PPP5C: variants seen among roughly 807,000 people sequenced by gnomAD.
PPP5C encodes the protein serine/threonine-protein phosphatase 5.
In PPP5C, 21 loss-of-function variants were observed where a neutral mutation model predicts 66.7. The observed-to-expected ratio is 0.31, with a 90% CI of 0.22 to 0.45. PPP5C has a LOEUF of 0.45. PPP5C is among the 20% of genes least tolerant of loss of function. The pLI, the probability that PPP5C is intolerant of heterozygous loss-of-function variation, is 1.00. For missense variants in PPP5C, 464 were observed against 675.9 expected, an observed-to-expected ratio of 0.69 and a Z score of 3.48; for synonymous variants, 246 against 257.4, an observed-to-expected ratio of 0.96 and a Z score of 0.43.
Position 46,374,825 on chromosome 19 carries a change from A to C in PPP5C, c.364-779A>C, listed in dbSNP as rs181781772. ...CTTGAGGGAGATATATATGGTTCTCAGTCCCACCTCAGAGAGAAACTGAGC... is the reference window on the plus strand; with the variant it reads ...CTTGAGGGAGATATATATGGTTCTCCGTCCCACCTCAGAGAGAAACTGAGC... On this transcript the variant is annotated intron_variant, in intron 2 of 12. Transcript: ENST00000012443. Among the ~76,000 whole-genome samples the C allele has an allele frequency of 4.6e-3, 697 of 152,284 alleles. 4 individuals are homozygous for C. Among genetic ancestry groups the C allele is most frequent in the South Asian group, 7.3e-3 (35 of 4,818 alleles).
At chr19:46,386,333 G>A (rs1349596704) in intron 7 of PPP5C, among the ~76,000 whole-genome samples, 3 of 152,140 alleles carry the variant, frequency 2.0e-5, no homozygotes, top group Non-Finnish European at 4.4e-5. Context: ...AGGCTGGGGC[G>A]AAGCCTGCAT....
At position 46,390,626 on chromosome 19, in the gene PPP5C, T is replaced by C. The variant is rs967726516; in HGVS notation, c.*280T>C. On this transcript the variant is annotated 3_prime_UTR_variant, in exon 13 of 13. Transcript: ENST00000012443. ...TGGGGAGGCCGTCCTCGGGGTGGGG[T>C]GGGGCCGAGTGGCTGCCCTGCCCCC... 1.1e-5 allele frequency: 14 copies of C among 1,295,412 alleles called. No homozygotes were observed. The highest frequency in any genetic ancestry group is 3.4e-5 in the East Asian group (1 of 29,302). The allele number at this position is 1,295,412 out of a possible 1,614,324, so 80.2% of individuals were successfully genotyped here.
intron 2 of PPP5C, among the ~76,000 whole-genome samples, chr19:46,364,651 G>T (rs1354367536): frequency 6.6e-6 from 1 of 151,920 alleles, no homozygotes; most frequent in East Asian, 1.9e-4. Flanking sequence ...TTTTCTGGGG[G>T]AGTTTCCTAA....
rs1294482042 is a variant in PPP5C at position 46,383,487 on chromosome 19, T to C, written c.699+11T>C. On this transcript the variant is annotated intron_variant, in intron 5 of 12. Coordinates refer to ENST00000012443, the MANE Select transcript of PPP5C (RefSeq NM_006247.4). The surrounding 1 kb of genome is among the most constrained non-coding windows in gnomAD (Gnocchi z 5.0). ...ACCACACTCAAAGAGGTGCGCGTTG[T>C]GGGGCAGTGCGGGGAGGGCCAGCGG... 1 of 1,592,482 alleles carries C rather than the reference T, an allele frequency of 6.3e-7. No individual in the cohort carries two copies. Among genetic ancestry groups the C allele is most frequent in the East Asian group, 2.3e-5 (1 of 44,012 alleles).
rs571478781 is a variant in PPP5C at position 46,367,690 on chromosome 19, G to A, written c.364-7914G>A. 1.9e-4 allele frequency among the ~76,000 whole-genome samples: 29 copies of A among 152,286 alleles called. No individual in the cohort carries two copies. In the South Asian group the frequency reaches 6.0e-3, roughly 32 times the overall value. ...CAAGCTGGACCTTACGGTGGGAACC[G>A]CAGTCACTCAGTTGGAAAACTTACA... is the stretch of plus-strand genomic sequence containing the variant. On this transcript the variant is annotated intron_variant, in intron 2 of 12. Transcript: ENST00000012443.
chr19:46,388,744 C>T lies in PPP5C; in HGVS notation c.1355+13C>T, dbSNP rs1347630110. The T allele has an allele frequency of 6.2e-7, 1 of 1,610,844 alleles. No individual in the cohort carries two copies. On this transcript the variant is annotated intron_variant, in intron 11 of 12. Transcript: ENST00000012443. The surrounding 1 kb of genome is among the most constrained non-coding windows in gnomAD (Gnocchi z 4.9). ...CCCCCAACTACTGGTATGTCTTTGC[C>T]TTTCCAGCCCAGGGCCTCTACCAAG...
At chr19:46,348,336 G>T (rs369197389) in intron 1 of PPP5C, among the ~76,000 whole-genome samples, 9 of 149,754 alleles carry the variant, frequency 6.0e-5, no homozygotes, top group Non-Finnish European at 1.3e-4. Flanking sequence ...TTTTGAGACG[G>T]GAGTTTTGCT....
intron 1 of PPP5C, among the ~76,000 whole-genome samples, chr19:46,350,732 G>T (rs1299437557): frequency 6.7e-6 from 1 of 149,306 alleles, no homozygotes; most frequent in Non-Finnish European, 1.5e-5. Flanking sequence ...GTTTTATAAA[G>T]GAAGCAAGGC....
chr19:46,362,731 C>T (rs553919212), intron 2 of PPP5C, among the ~76,000 whole-genome samples: 3 of 152,094 alleles, frequency 2.0e-5, no homozygotes, highest in Non-Finnish European at 4.4e-5. Flanking sequence ...AAGTTAGATA[C>T]ATACATATTT....
At chr19:46,389,411 A>AGTGTTGAGTAAGACT (rs1252794320) in intron 11 of PPP5C, among the ~76,000 whole-genome samples, 1 of 43,688 alleles carries the variant, frequency 2.3e-5, no homozygotes, top group African/African-American at 7.4e-5. Flanking sequence ...ACACACACAC[A>AGTGTTGAGTAAGACT]CACACACACA....
chr19:46,383,530 G>C lies in PPP5C; in HGVS notation c.699+54G>C. On this transcript the variant is annotated intron_variant, in intron 5 of 12. Coordinates refer to ENST00000012443, the MANE Select transcript of PPP5C (RefSeq NM_006247.4). The surrounding 1 kb of genome is among the most constrained non-coding windows in gnomAD (Gnocchi z 5.0). ...GCCAGCGGGGGTGGGCTCTCTGGCTGGGGAGGGGCCACAGAGCTCAGGAAC... is the reference window on the plus strand; with the variant it reads ...GCCAGCGGGGGTGGGCTCTCTGGCTCGGGAGGGGCCACAGAGCTCAGGAAC... 1 of 1,500,942 alleles carries C rather than the reference G, an allele frequency of 6.7e-7. No homozygotes were observed. The highest frequency in any genetic ancestry group is 9.1e-7 in the Non-Finnish European group (1 of 1,102,736). 93.0% of individuals were successfully genotyped at this position (1,500,942 alleles called of 1,614,324 possible).
intron 2 of PPP5C, among the ~76,000 whole-genome samples, chr19:46,368,941 C>T (rs1972536540): frequency 6.6e-6 from 1 of 152,150 alleles, no homozygotes; most frequent in Admixed American, 6.5e-5. Context: ...TCTTGATCAC[C>T]CTTCCCTTCT....
intron 4 of PPP5C, among the ~76,000 whole-genome samples, chr19:46,377,529 C>T (rs1386018587): frequency 6.6e-6 from 1 of 152,188 alleles, no homozygotes; most frequent in Middle Eastern, 3.2e-3. Flanking sequence ...AATTAATGCA[C>T]AATAAAATAC....
chr19:46,384,964 T>C, intron 7 of PPP5C, 55 bp downstream of exon 7: 2 of 1,311,702 alleles, frequency 1.5e-6, no homozygotes, highest in Non-Finnish European at 1.1e-6. Context: ...AGTGGGGCAC[T>C]CACTCTGCAA....
intron 7 of PPP5C, chr19:46,386,781 T>G (rs919474438): frequency 7.7e-5 from 30 of 387,388 alleles, no homozygotes; most frequent in Non-Finnish European, 1.4e-4. Context: ...CCCAGCTAAT[T>G]TTTAAAATTG....
intron 7 of PPP5C, among the ~76,000 whole-genome samples, chr19:46,385,551 AG>A (rs1310098111): frequency 2.0e-5 from 3 of 152,314 alleles, no homozygotes; most frequent in African/African-American, 7.2e-5. Flanking sequence ...AGGCCAAGGC[AG>A]GTGGATCATC....
At position 46,376,406 on chromosome 19, in the gene PPP5C, TA is replaced by T; in HGVS notation, c.512-46del. 1 of 1,604,194 alleles carries T rather than the reference TA, an allele frequency of 6.2e-7. No homozygotes were observed. Among genetic ancestry groups the T allele is most frequent in the Non-Finnish European group, 8.5e-7 (1 of 1,173,888 alleles). On this transcript the variant is annotated intron_variant, in intron 3 of 12. Coordinates refer to ENST00000012443, the MANE Select transcript of PPP5C (RefSeq NM_006247.4). The surrounding 1 kb of genome is among the most constrained non-coding windows in gnomAD (Gnocchi z 5.1). ...GGGAGCGAGACCCCCTTCTCCCTCA[TA>T]GTGGCTGTGGTCACTGACTCTCGTG...
chr19:46,387,530 C>G, intron 9 of PPP5C, 77 bp downstream of exon 9: 1 of 1,611,438 alleles, frequency 6.2e-7, no homozygotes. Flanking sequence ...CCCAGCCCTG[C>G]CTCGGAGGAT....
intron 2 of PPP5C, among the ~76,000 whole-genome samples, chr19:46,359,777 CTT>C (rs35982365): frequency 1.2e-4 from 14 of 121,712 alleles, no homozygotes; most frequent in Admixed American, 1.8e-4. Flanking sequence ...TCGGATTAGA[CTT>C]TTTTTTTTTT....
Sources: gnomAD v4.1 joint callset for allele counts (sites outside exome capture counted in the v4.1 genomes callset) on GRCh38, gnomAD v4.1.1 for gene constraint, Gnocchi (gnomAD v3.1) non-coding constraint, MANE v1.5 for transcripts, NCBI Gene and HGNC (gene_info 2026-07-23, HGNC 2026-07-21) for gene names.